MYORG: variants seen among roughly 807,000 people sequenced by gnomAD.
The protein encoded by MYORG is alpha-galactosidase MYORG.
A neutral mutation model predicts 49.8 loss-of-function variants in MYORG; 45 were observed. The observed-to-expected ratio is 0.90, with a 90% CI of 0.71 to 1.16. MYORG has a LOEUF of 1.16. Ranked by LOEUF, MYORG falls within the 50% of genes most tolerant of loss-of-function variation. The pLI, the probability that MYORG is intolerant of heterozygous loss-of-function variation, is 0.00. For synonymous variants in MYORG, 552 were observed against 462.9 expected (o/e 1.19, Z -2.47); for missense variants, 1,110 against 1,026.5 (o/e 1.08, Z -1.11).
Position 34,376,836 on chromosome 9 carries a change from C to T in MYORG, c.-107G>A, listed in dbSNP as rs901098296. 10 of 152,274 alleles carry T rather than the reference C, an allele frequency of 6.6e-5. No individual in the cohort carries two copies. The highest frequency in any genetic ancestry group is 2.4e-4 in the African/African-American group (10 of 41,466). The allele number at this position is 152,274 out of a possible 1,614,324, so 9.4% of individuals were successfully genotyped here. A position where few individuals can be genotyped will look rare whatever the true frequency, so the allele number is the denominator to read the frequency against. On this transcript the variant is annotated 5_prime_UTR_variant, in exon 1 of 2. Coordinates refer to ENST00000297625, the MANE Select transcript of MYORG (RefSeq NM_020702.5). This position sits in a 1 kb window ranked among gnomAD's most constrained non-coding sequence, Gnocchi z 4.4. ...GGCAGAAGCGGGGGTGAAAGAGCTTCCCGCCGATCCCCTGCGCTTGAACCA... is the reference window on the plus strand; with the variant it reads ...GGCAGAAGCGGGGGTGAAAGAGCTTTCCGCCGATCCCCTGCGCTTGAACCA...
rs1441343867 is a variant in MYORG at position 34,372,042 on chromosome 9, A to C, written c.902T>G (p.Phe301Cys). 1 of 1,613,856 alleles carries C rather than the reference A, an allele frequency of 6.2e-7. No individual in the cohort carries two copies. The highest frequency in any genetic ancestry group is 1.7e-5 in the Admixed American group (1 of 60,024). The change falls in exon 2 of 2, where the codon TTC becomes TGC. Residue 301 changes from phenylalanine to cysteine, a missense_variant. Transcript: ENST00000297625. ...SIHKYMVRRY[F>C]NKPSRVPAPE... ...TGCTGGCACCCTTGACGGCTTGTTG[A>C]AGTAGCGACGCACCATGTACTTGTG...
rs892199920 is a variant in MYORG, at chr9:34,376,099, A to T, written c.-64+694T>A. Among the ~76,000 whole-genome samples, 1 of 152,230 alleles carries T rather than the reference A, an allele frequency of 6.6e-6. No individual in the cohort carries two copies. The highest frequency in any genetic ancestry group is 1.5e-5 in the Non-Finnish European group (1 of 68,038). ...GTAGCAGAAAGGAGCCCTGGGGCTG[A>T]GCTGGTGGGACCAGCTTCCATCAGA... On this transcript the variant is annotated intron_variant, in intron 1 of 1. Transcript: ENST00000297625. The surrounding 1 kb of genome is among the most constrained non-coding windows in gnomAD (Gnocchi z 4.4).
In MYORG at chr9:34,371,055, C is replaced by T. The variant is rs1344821083; in HGVS notation, c.1889G>A (p.Gly630Asp). Residue 630 changes from glycine to aspartate, a missense_variant, in exon 2 of 2, where the codon GGT (glycine) becomes GAT (aspartate). By Grantham distance (94) the Gly-to-Asp change is moderately conservative. Transcript: ENST00000297625. Reference sequence around the variant, plus strand: ...CCAAAGGGGGCGCACGATAGGGTCACCCGTGTCGGTGACCTCGCCCGCCAG... The same window carrying T: ...CCAAAGGGGGCGCACGATAGGGTCATCCGTGTCGGTGACCTCGCCCGCCAG... ...LELAGEVTDT[G>D]DPIVRPLWWI... The T allele has an allele frequency of 6.2e-7, 1 of 1,612,332 alleles. No homozygotes were observed. Among genetic ancestry groups the T allele is most frequent in the Non-Finnish European group, 8.5e-7 (1 of 1,179,540 alleles).
chr9:34,373,401 C>G (rs1820673224), intron 1 of MYORG, among the ~76,000 whole-genome samples: 1 of 152,152 alleles, frequency 6.6e-6, no homozygotes, highest in South Asian at 2.1e-4. Context: ...GTCCTGCTCT[C>G]CTAGAGGTGT....
rs1001752931 is a variant in MYORG at position 34,372,368 on chromosome 9, C to T, written c.576G>A (p.Arg192=). The T allele has an allele frequency of 6.3e-7, 1 of 1,593,434 alleles. No individual in the cohort carries two copies. The highest frequency in any genetic ancestry group is 1.8e-5 in the Admixed American group (1 of 56,968). The part of the protein sequence containing the change: ...AAHWYGGAEM[R]TQHWPIRLDG... ...CCAGGCGGATGGGCCAGTGTTGCGT[C>T]CTCATCTCGGCGCCACCATACCAGT... Residue 192 remains arginine (R), a synonymous_variant, in exon 2 of 2, where the codon AGG becomes AGA. Coordinates refer to ENST00000297625, the MANE Select transcript of MYORG (RefSeq NM_020702.5).
rs1419317245 is a variant in MYORG, at chr9:34,370,815, A to AAGT, written c.2126_2128dup (p.Tyr709dup). On this transcript the variant is annotated inframe_insertion, in exon 2 of 2. Transcript: ENST00000297625. Reference sequence around the variant, plus strand: ...TGGGCTGGGTCAGGACGCCCAGGTAAAGTAGGCGATCTCATCCAGGTCGAC... The same window carrying AAGT: ...TGGGCTGGGTCAGGACGCCCAGGTAAAGTAGTAGGCGATCTCATCCAGGTCGAC... 28 of 1,582,342 alleles carry AAGT rather than the reference A, an allele frequency of 1.8e-5. No homozygotes were observed. The highest frequency in any genetic ancestry group is 2.2e-5 in the Non-Finnish European group (26 of 1,158,340).
chr9:34,372,747 A>C lies in MYORG; in HGVS notation c.197T>G (p.Leu66Arg). 6.2e-7 allele frequency: 1 copy of C among 1,613,796 alleles called. No homozygotes were observed. The highest frequency in any genetic ancestry group is 8.5e-7 in the Non-Finnish European group (1 of 1,179,788). Residue 66 changes from leucine to arginine, a missense_variant, in exon 2 of 2, where the codon CTG becomes CGG. Transcript: ENST00000297625. ...GGCCACCACCGCGGCCAGCACAAGC[A>C]GCAGCCCCAGAACCGCGGAGCCCAG... ...PLLGSAVLGL[L>R]LVLAAVVAWC...
chr9:34,373,662 A>G (rs1440773955), intron 1 of MYORG, among the ~76,000 whole-genome samples: 1 of 152,224 alleles, frequency 6.6e-6, no homozygotes, highest in Non-Finnish European at 1.5e-5. Context: ...CATGTTGGTC[A>G]GGCTGGCTTC....
rs1341239741 is a variant in MYORG, at chr9:34,372,982, C to A, written c.-39G>T. ...AGAAAGGAGCGGGCCGTGGGGCCAT[C>A]TGACTGAGTTCATCTCAACCTGCTC... On this transcript the variant is annotated 5_prime_UTR_variant, in exon 2 of 2. Transcript: ENST00000297625. The A allele has an allele frequency of 8.1e-6, 13 of 1,595,974 alleles. No homozygotes were observed. The highest frequency in any genetic ancestry group is 1.1e-5 in the Non-Finnish European group (13 of 1,169,024).
rs776996517 is a variant in MYORG at position 34,370,884 on chromosome 9, C to A, written c.2060G>T (p.Gly687Val). 1.2e-6 allele frequency: 2 copies of A among 1,613,202 alleles called. No individual in the cohort carries two copies. Among genetic ancestry groups the A allele is most frequent in the Admixed American group, 3.3e-5 (2 of 60,006 alleles). The change falls in exon 2 of 2, where the codon GGT becomes GTT. Residue 687 changes from glycine (G) to valine (V), a missense_variant. By Grantham distance (109) the Gly-to-Val change is moderately radical. Transcript: ENST00000297625. ...LPAGKWRSYK[G>V]ELFDKTPVLL... ...CACCGGCGTCTTGTCGAAAAGCTCA[C>A]CCTTGTAGCTGCGCCACTTGCCGGC...
rs1471873253 is a variant in MYORG at position 34,376,252 on chromosome 9, G to A, written c.-64+541C>T. Among the ~76,000 whole-genome samples, 1 of 152,198 alleles carries A rather than the reference G, an allele frequency of 6.6e-6. No homozygotes were observed. Among genetic ancestry groups the A allele is most frequent in the Non-Finnish European group, 1.5e-5 (1 of 68,024 alleles). On this transcript the variant is annotated intron_variant, in intron 1 of 1. Transcript: ENST00000297625. The surrounding 1 kb of genome is among the most constrained non-coding windows in gnomAD (Gnocchi z 4.4). The stretch of plus-strand genomic sequence containing the variant: ...GGCATCTGGTACCGGGGCTTTGGGG[G>A]AGGAAGTCTGTGGTTCCGGTGTTAA...
In MYORG at chr9:34,372,449, C is replaced by T. The variant is rs896783734; in HGVS notation, c.495G>A (p.Glu165=). Residue 165 remains glutamate (E), a synonymous_variant, in exon 2 of 2, where the codon GAG becomes GAA. Coordinates refer to ENST00000297625, the MANE Select transcript of MYORG (RefSeq NM_020702.5). ...TVMCYRVRWE[E]AAPGRAVEHA... is the part of the protein sequence containing the mutation. ...GCTCCACGGCCCGGCCCGGCGCTGCCTCCTCCCAGCGCACGCGGTAGCACA... is the reference window on the plus strand; with the variant it reads ...GCTCCACGGCCCGGCCCGGCGCTGCTTCCTCCCAGCGCACGCGGTAGCACA... The T allele has an allele frequency of 1.3e-6, 2 of 1,585,060 alleles. No individual in the cohort carries two copies. The highest frequency in any genetic ancestry group is 8.6e-7 in the Non-Finnish European group (1 of 1,166,964).
rs1490120189 is a variant in MYORG at position 34,372,201 on chromosome 9, C to T, written c.743G>A (p.Gly248Asp). 3 of 1,612,012 alleles carry T rather than the reference C, an allele frequency of 1.9e-6. No homozygotes were observed. Among genetic ancestry groups the T allele is most frequent in the Admixed American group, 1.7e-5 (1 of 59,882 alleles). ...KVNDSVPFHL[G>D]WNSTERSLRL... ...CAGCGAGCGCTCCGTGCTGTTCCAGCCCAGGTGGAAGGGCACTGAGTCATT... is the reference window on the plus strand; with the variant it reads ...CAGCGAGCGCTCCGTGCTGTTCCAGTCCAGGTGGAAGGGCACTGAGTCATT... The change falls in exon 2 of 2, where the codon GGC (glycine) becomes GAC (aspartate). Residue 248 changes from glycine to aspartate, a missense_variant. Gly to Asp is a moderately conservative substitution (Grantham distance 94). Coordinates refer to ENST00000297625, the MANE Select transcript of MYORG (RefSeq NM_020702.5).
rs1192769510 is a variant in MYORG at position 34,372,609 on chromosome 9, C to G, written c.335G>C (p.Arg112Pro). The G allele has an allele frequency of 3.1e-6, 5 of 1,604,118 alleles. No individual in the cohort carries two copies. The highest frequency in any genetic ancestry group is 3.4e-6 in the Non-Finnish European group (4 of 1,175,870). Residue 112 changes from arginine to proline, a missense_variant, in exon 2 of 2, where the codon CGC (arginine) becomes CCC (proline). Physicochemically the swap from Arg to Pro is moderately radical, Grantham distance 103. Transcript: ENST00000297625. ...IRNQKGEQVF[R>P]LAFRSGALDL... ...CAGCGCGCCGGAGCGGAAGGCCAGG[C>G]GGAAGACCTGCTCTCCCTTCTGATT...
At position 34,376,217 on chromosome 9, in the gene MYORG, C is replaced by T. The variant is rs1397600436; in HGVS notation, c.-64+576G>A. Among the ~76,000 whole-genome samples the T allele has an allele frequency of 6.6e-6, 1 of 152,174 alleles. No individual in the cohort carries two copies. The highest frequency in any genetic ancestry group is 1.5e-5 in the Non-Finnish European group (1 of 68,024). On this transcript the variant is annotated intron_variant, in intron 1 of 1. Coordinates refer to ENST00000297625, the MANE Select transcript of MYORG (RefSeq NM_020702.5). This position sits in a 1 kb window ranked among gnomAD's most constrained non-coding sequence, Gnocchi z 4.4. ...AAGACCACGAGGGCAGCAAAGAGGG[C>T]AATTTTAATGGCATCTGGTACCGGG...
At chr9:34,374,463 T>C (rs1820688601) in intron 1 of MYORG, among the ~76,000 whole-genome samples, 1 of 152,100 alleles carries the variant, frequency 6.6e-6, no homozygotes, top group Non-Finnish European at 1.5e-5. Context: ...ACCTAAATCC[T>C]TTAGGCCACC....
Position 34,372,466 on chromosome 9 carries a change from G to T in MYORG, c.478C>A (p.Arg160Ser). ...VRPKDTVMCY[R>S]VRWEEAAPGR... ...GGCGCTGCCTCCTCCCAGCGCACGCGGTAGCACATGACCGTGTCCTTGGGC... is the reference window on the plus strand; with the variant it reads ...GGCGCTGCCTCCTCCCAGCGCACGCTGTAGCACATGACCGTGTCCTTGGGC... The change falls in exon 2 of 2, where the codon CGC becomes AGC. Residue 160 changes from arginine to serine, a missense_variant. Coordinates refer to ENST00000297625, the MANE Select transcript of MYORG (RefSeq NM_020702.5). 6.3e-7 allele frequency: 1 copy of T among 1,592,752 alleles called. No homozygotes were observed. Among genetic ancestry groups the T allele is most frequent in the African/African-American group, 1.3e-5 (1 of 74,628 alleles).
Position 34,372,968 on chromosome 9 carries a change from G to A in MYORG, c.-25C>T. On this transcript the variant is annotated 5_prime_UTR_variant, in exon 2 of 2. Coordinates refer to ENST00000297625, the MANE Select transcript of MYORG (RefSeq NM_020702.5). ...TTAGTGGGCTGCTAAGAAAGGAGCG[G>A]GCCGTGGGGCCATCTGACTGAGTTC... 1.2e-6 allele frequency: 2 copies of A among 1,603,550 alleles called. No homozygotes were observed. Among genetic ancestry groups the A allele is most frequent in the South Asian group, 2.2e-5 (2 of 90,228 alleles).
intron 1 of MYORG, among the ~76,000 whole-genome samples, chr9:34,373,725 T>G (rs1281741423): frequency 6.6e-6 from 1 of 152,218 alleles, no homozygotes; most frequent in Non-Finnish European, 1.5e-5. Flanking sequence ...AGTGCTGGCA[T>G]TACAGGCGTG....
Sources: gnomAD v4.1 joint callset for allele counts (sites outside exome capture counted in the v4.1 genomes callset) on GRCh38, gnomAD v4.1.1 for gene constraint, Gnocchi (gnomAD v3.1) non-coding constraint, MANE v1.5 for transcripts, NCBI Gene and HGNC (gene_info 2026-07-23, HGNC 2026-07-21) for gene names.